SRPK1: variants seen among roughly 807,000 people sequenced by gnomAD.
The protein encoded by SRPK1 is SFRS protein kinase 1.
Under a neutral mutation model 89.5 loss-of-function variants are expected in SRPK1, and 52 were observed. The observed-to-expected ratio is 0.58, with a 90% confidence interval of 0.46 to 0.73. The LOEUF is 0.73. Ranked by LOEUF, SRPK1 falls within the 30% of genes least tolerant of loss-of-function variation. SRPK1 has a pLI of 0.00. For missense variants in SRPK1, 603 were observed against 780.6 expected, an observed-to-expected ratio of 0.77 and a Z score of 2.71; for synonymous variants, 255 against 270.2, an observed-to-expected ratio of 0.94 and a Z score of 0.55.
chr6:35,905,025 T>C, intron 2 of SRPK1: 1 of 412,304 alleles, frequency 2.4e-6, no homozygotes. Context: ...CCTGGTGGTG[T>C]AGTCCTAGCT....
intron 2 of SRPK1, among the ~76,000 whole-genome samples, chr6:35,908,226 G>A (rs1362079120): frequency 1.3e-5 from 2 of 152,194 alleles, no homozygotes; most frequent in Middle Eastern, 6.3e-3. Flanking sequence ...GAACTGGGTA[G>A]TGGGCAGAGG....
At chr6:35,920,253 A>C (rs368011643) in intron 2 of SRPK1, 2 of 636,698 alleles carry the variant, frequency 3.1e-6, no homozygotes, top group Non-Finnish European at 5.9e-6. Context: ...AGCCCTTTCC[A>C]GCAGGCCCGG....
intron 14 of SRPK1, among the ~76,000 whole-genome samples, chr6:35,839,748 C>T (rs918357134): frequency 4.0e-5 from 6 of 150,518 alleles, no homozygotes; most frequent in Non-Finnish European, 7.4e-5. Flanking sequence ...GGCATGATCT[C>T]GGCTCACTGC....
intron 3 of SRPK1, among the ~76,000 whole-genome samples, chr6:35,889,391 T>TA (rs1435143587): frequency 2.0e-5 from 3 of 151,938 alleles, no homozygotes; most frequent in African/African-American, 7.3e-5. Context: ...CTCATGCCTG[T>TA]AATCCCAGCA....
chr6:35,870,031 A>C, intron 10 of SRPK1, 130 bp from the exon 11 acceptor site: 2 of 1,132,558 alleles, frequency 1.8e-6, no homozygotes, highest in South Asian at 3.4e-5. Flanking sequence ...CTAAACATCT[A>C]AAACCTATTT....
At chr6:35,907,995 G>A (rs546951046) in intron 2 of SRPK1, among the ~76,000 whole-genome samples, 1 of 152,300 alleles carries the variant, frequency 6.6e-6, no homozygotes, top group South Asian at 2.1e-4. Context: ...TGAAGAAGGT[G>A]CCTGCTTCCC....
At chr6:35,893,668 G>C (rs7755600) in intron 2 of SRPK1, among the ~76,000 whole-genome samples, 47,956 of 151,916 alleles carry the variant, frequency 0.32, 7,803 homozygotes, top group South Asian at 0.42. Context: ...CTACCCCAGA[G>C]TAAACTTTTC....
chr6:35,841,837 A>T (rs1166932270), intron 14 of SRPK1, among the ~76,000 whole-genome samples: 1 of 150,834 alleles, frequency 6.6e-6, no homozygotes, highest in Non-Finnish European at 1.5e-5. Flanking sequence ...TCTCAAAAAA[A>T]AAAAAAAAAA....
chr6:35,851,353 T>C (rs1769551824), intron 13 of SRPK1, among the ~76,000 whole-genome samples: 1 of 152,014 alleles, frequency 6.6e-6, no homozygotes, highest in South Asian at 2.1e-4. Context: ...TTTGTATTTT[T>C]GGTAGAGACA....
At chr6:35,880,664 G>C (rs1180458360) in intron 6 of SRPK1, among the ~76,000 whole-genome samples, 1 of 140,306 alleles carries the variant, frequency 7.1e-6, no homozygotes, top group Admixed American at 7.5e-5. Context: ...AGATTGCAGT[G>C]AGCGGAGATT....
intron 4 of SRPK1, among the ~76,000 whole-genome samples, 156 bp downstream of exon 4, chr6:35,888,659 G>A (rs190709658): frequency 9.9e-4 from 151 of 152,252 alleles, no homozygotes; most frequent in African/African-American, 3.5e-3. Flanking sequence ...AAAGAAAAGT[G>A]GTTTCTCCAA....
At chr6:35,890,594 T>C (rs1473906342) in intron 3 of SRPK1, among the ~76,000 whole-genome samples, 3 of 152,270 alleles carry the variant, frequency 2.0e-5, no homozygotes, top group Non-Finnish European at 4.4e-5. Context: ...TCACTGGTTA[T>C]ATGTGGCTGA....
chr6:35,908,910 A>G (rs1354306777), intron 2 of SRPK1, among the ~76,000 whole-genome samples: 1 of 152,264 alleles, frequency 6.6e-6, no homozygotes, highest in African/African-American at 2.4e-5. Flanking sequence ...GCAGGTGCAC[A>G]GAAGTCAATA....
At chr6:35,895,615 C>T (rs538627197) in intron 2 of SRPK1, 4 of 152,158 alleles carry the variant, frequency 2.6e-5, no homozygotes, top group African/African-American at 4.8e-5. Context: ...AATGCAGTAA[C>T]GTAATCCTCC....
chr6:35,913,195 G>A (rs1358657362), intron 2 of SRPK1, among the ~76,000 whole-genome samples: 1 of 152,098 alleles, frequency 6.6e-6, no homozygotes, highest in East Asian at 1.9e-4. Flanking sequence ...GGGATGCACT[G>A]TAGTAGAAAC....
chr6:35,858,340 TAAAAAA>T (rs565310448), intron 12 of SRPK1, among the ~76,000 whole-genome samples: 3 of 145,756 alleles, frequency 2.1e-5, no homozygotes, highest in Non-Finnish European at 4.6e-5. Flanking sequence ...CTTTGTCACC[TAAAAAA>T]AAAAAATTAA....
At position 35,835,408 on chromosome 6, in the gene SRPK1, C is replaced by G. The variant is rs939410308; in HGVS notation, c.1864G>C (p.Glu622Gln). 1 of 1,613,772 alleles carries G rather than the reference C, an allele frequency of 6.2e-7. No individual in the cohort carries two copies. Among genetic ancestry groups the G allele is most frequent in the South Asian group, 1.1e-5 (1 of 91,034 alleles). ...LVEKYEWSQE[E>Q]AAGFTDFLLP... ...AAGAAATCTGTGAAGCCAGCTGCCTCTTCCTGCGACCACTCATACTTCTCC... is the reference window on the plus strand; with the variant it reads ...AAGAAATCTGTGAAGCCAGCTGCCTGTTCCTGCGACCACTCATACTTCTCC... Residue 622 changes from glutamate (E) to glutamine (Q), a missense_variant, in exon 16 of 16, where the codon GAG (glutamate) becomes CAG (glutamine). By Grantham distance (29) the Glu-to-Gln change is conservative (BLOSUM62 2). Transcript: ENST00000373825.
At chr6:35,898,978 T>C (rs374870829) in intron 2 of SRPK1, among the ~76,000 whole-genome samples, 16 of 152,112 alleles carry the variant, frequency 1.1e-4, no homozygotes, top group Admixed American at 2.6e-4. Context: ...CTAGCCAACA[T>C]GGTGAAACCC....
intron 2 of SRPK1, among the ~76,000 whole-genome samples, chr6:35,907,165 G>C (rs1247334909): frequency 6.6e-6 from 1 of 152,018 alleles, no homozygotes; most frequent in Non-Finnish European, 1.5e-5. Context: ...AAACAAATCT[G>C]CAAGGAAAAG....
Sources: allele counts gnomAD v4.1 joint callset (sites outside exome capture counted in the v4.1 genomes callset), GRCh38; gene constraint gnomAD v4.1.1; transcripts MANE v1.5; gene names NCBI Gene and HGNC (gene_info 2026-07-23, HGNC 2026-07-21).